The following ZNF407 variants were observed in gnomAD, a reference collection of about 807,000 sequenced individuals.
The protein encoded by ZNF407 is zinc finger protein 407.
Under a neutral mutation model 131.2 loss-of-function variants are expected in ZNF407, and 17 were observed. That is an observed-to-expected ratio of 0.13 (90% CI 0.09 to 0.19). The LOEUF (loss-of-function observed/expected upper bound fraction) is 0.19. Ranked by LOEUF, ZNF407 falls within the 10% of genes least tolerant of loss-of-function variation. The pLI, the probability that ZNF407 is intolerant of heterozygous loss-of-function variation, is 1.00. For synonymous variants in ZNF407, 1,156 were observed against 1,062.0 expected, an observed-to-expected ratio of 1.09 and a Z score of -1.72; for missense variants, 2,681 against 2,830.6, an observed-to-expected ratio of 0.95 and a Z score of 1.20.
At chr18:74,771,947 AGTG>A (rs746502141) in intron 3 of ZNF407, among the ~76,000 whole-genome samples, 23 of 152,192 alleles carry the variant, frequency 1.5e-4, no homozygotes, top group Non-Finnish European at 3.1e-4. Flanking sequence ...AAAGTAATGT[AGTG>A]GTTTTATTTT....
intron 8 of ZNF407, among the ~76,000 whole-genome samples, chr18:75,023,592 C>T (rs986159248): frequency 6.6e-6 from 1 of 152,124 alleles, no homozygotes; most frequent in Non-Finnish European, 1.5e-5. Flanking sequence ...ATTTAACTGC[C>T]GACAGCTGAC....
intron 3 of ZNF407, among the ~76,000 whole-genome samples, chr18:74,735,692 A>G (rs1241674986): frequency 1.3e-5 from 2 of 152,224 alleles, no homozygotes; most frequent in Non-Finnish European, 2.9e-5. Flanking sequence ...TTTTAAGGAT[A>G]TGCAACTTTA....
chr18:74,860,662 C>A (rs1970925496), intron 4 of ZNF407, among the ~76,000 whole-genome samples: 1 of 151,970 alleles, frequency 6.6e-6, no homozygotes, highest in African/African-American at 2.4e-5. Flanking sequence ...TCAAACCGTA[C>A]CAGTGTGTTA....
chr18:74,724,216 GTAA>G (rs1270601451), intron 3 of ZNF407, among the ~76,000 whole-genome samples: 1 of 152,040 alleles, frequency 6.6e-6, no homozygotes, highest in Non-Finnish European at 1.5e-5. Flanking sequence ...TTTAATTGAT[GTAA>G]TAATTGTACA....
At chr18:74,983,520 G>A (rs1293369091) in intron 8 of ZNF407, among the ~76,000 whole-genome samples, 1 of 152,158 alleles carries the variant, frequency 6.6e-6, no homozygotes. Context: ...CACATAATTA[G>A]TGGCTAGTAT....
intron 4 of ZNF407, among the ~76,000 whole-genome samples, chr18:74,870,460 C>T (rs1304024436): frequency 6.6e-6 from 1 of 152,138 alleles, no homozygotes; most frequent in Non-Finnish European, 1.5e-5. Flanking sequence ...CACACTAGAG[C>T]CTTAGAGTTG....
intron 8 of ZNF407, among the ~76,000 whole-genome samples, chr18:75,007,700 G>A (rs920201882): frequency 6.6e-6 from 1 of 152,146 alleles, no homozygotes; most frequent in African/African-American, 2.4e-5. Flanking sequence ...TTGTGTGTCA[G>A]GTGCTTTGCT....
chr18:74,879,759 A>T (rs1971213046), intron 5 of ZNF407, among the ~76,000 whole-genome samples: 1 of 152,184 alleles, frequency 6.6e-6, no homozygotes, highest in African/African-American at 2.4e-5. Context: ...TACCCTTAGG[A>T]AATAAGATTA....
chr18:74,623,922 G>A (rs1291760252), intron 1 of ZNF407, among the ~76,000 whole-genome samples: 1 of 152,078 alleles, frequency 6.6e-6, no homozygotes, highest in Non-Finnish European at 1.5e-5. Flanking sequence ...AGAGATGTGT[G>A]GAAAGGGAAT....
At chr18:75,053,747 G>T (rs986497875) in intron 8 of ZNF407, among the ~76,000 whole-genome samples, 1 of 152,188 alleles carries the variant, frequency 6.6e-6, no homozygotes, top group African/African-American at 2.4e-5. Flanking sequence ...CCGCCCACTC[G>T]GTCCTGCCGT....
At chr18:74,864,746 C>T (rs1970986981) in intron 4 of ZNF407, among the ~76,000 whole-genome samples, 1 of 152,084 alleles carries the variant, frequency 6.6e-6, no homozygotes, top group Non-Finnish European at 1.5e-5. Context: ...GTTTATGAGG[C>T]AGTGTTGTAT....
At chr18:74,716,097 A>G (rs561636070) in intron 3 of ZNF407, among the ~76,000 whole-genome samples, 2 of 152,218 alleles carry the variant, frequency 1.3e-5, no homozygotes, top group African/African-American at 2.4e-5. Context: ...TGAAGTGCAA[A>G]CATAGTTTTT....
At chr18:74,884,869 G>A (rs1971286244) in intron 6 of ZNF407, among the ~76,000 whole-genome samples, 1 of 152,058 alleles carries the variant, frequency 6.6e-6, no homozygotes, top group Non-Finnish European at 1.5e-5. Context: ...CATTGACTTA[G>A]GCAGTGGAGT....
At chr18:74,960,732 G>A (rs539325690) in intron 8 of ZNF407, among the ~76,000 whole-genome samples, 1 of 140,624 alleles carries the variant, frequency 7.1e-6, no homozygotes, top group Non-Finnish European at 1.5e-5. Context: ...AGTGTGGACT[G>A]GGTGGAGGGA....
At chr18:74,863,897 T>C (rs1426969660) in intron 4 of ZNF407, among the ~76,000 whole-genome samples, 1 of 152,248 alleles carries the variant, frequency 6.6e-6, no homozygotes, top group African/African-American at 2.4e-5. Flanking sequence ...ATTATAAAGT[T>C]ATGCCTGGCA....
chr18:74,751,840 G>A (rs4592744), intron 3 of ZNF407, among the ~76,000 whole-genome samples: 144,373 of 152,282 alleles, frequency 0.95, 68,876 homozygotes, highest in East Asian at 1. Context: ...ATACATGTGC[G>A]TGTGTCTTTA....
chr18:74,754,898 G>A (rs1467823705), intron 3 of ZNF407, among the ~76,000 whole-genome samples: 6 of 152,030 alleles, frequency 3.9e-5, no homozygotes, highest in Admixed American at 3.9e-4. Context: ...AATCCCGGAT[G>A]TCCTTGTTAA....
At chr18:74,764,325 C>G (rs1732853669) in intron 3 of ZNF407, among the ~76,000 whole-genome samples, 1 of 152,040 alleles carries the variant, frequency 6.6e-6, no homozygotes, top group Non-Finnish European at 1.5e-5. Flanking sequence ...CCTTTTTATT[C>G]AAGGTCACTA....
rs377118945 is a variant in ZNF407, at chr18:74,791,507, C to T, written c.4877+10005C>T. ...CAAGGTGAGATGAGAAGCAATCTCA[C>T]CTTGGTGAAATGTATCAGCTTTTGG... is the stretch of plus-strand genomic sequence containing the variant. On this transcript the variant is annotated intron_variant, in intron 4 of 8. Coordinates refer to ENST00000299687, the MANE Select transcript of ZNF407 (RefSeq NM_017757.3). Among the ~76,000 whole-genome samples, 13 of 152,208 alleles carry T rather than the reference C, an allele frequency of 8.5e-5. No homozygotes were observed. The East Asian group carries it at 1.7e-3, about 20-fold the overall frequency.
Sources: gnomAD v4.1 joint callset for allele counts (sites outside exome capture counted in the v4.1 genomes callset) on GRCh38, gnomAD v4.1.1 for gene constraint, MANE v1.5 for transcripts, NCBI Gene and HGNC (gene_info 2026-07-23, HGNC 2026-07-21) for gene names.